ERBB2: variants seen among roughly 807,000 people sequenced by gnomAD.
The protein encoded by ERBB2 is erb-b2 receptor tyrosine kinase 2, also known as receptor tyrosine-protein kinase erbB-2.
A neutral mutation model predicts 149.0 loss-of-function variants in ERBB2; 61 were observed. The ratio of observed to expected loss-of-function variants is 0.41; its 90% CI spans 0.33 to 0.51. ERBB2 has a LOEUF of 0.51. ERBB2 is among the 20% of genes least tolerant of loss of function. The pLI, the probability that ERBB2 is intolerant of heterozygous loss-of-function variation, is 0.25. For synonymous variants in ERBB2, 633 were observed against 678.8 expected, an observed-to-expected ratio of 0.93 and a Z score of 1.05; for missense variants, 1,205 against 1,655.1, an observed-to-expected ratio of 0.73 and a Z score of 4.72.
At chr17:39,699,496 C>T (rs539283063), upstream of ERBB2, 6 of 1,502,550 alleles carry the variant, frequency 4.0e-6, no homozygotes, top group East Asian at 1.5e-4. Flanking sequence ...GTGACTGTCT[C>T]CTCCCAAATT....
chr17:39,705,188 C>T (rs1005720686), intron 1 of ERBB2, among the ~76,000 whole-genome samples: 9 of 151,894 alleles, frequency 5.9e-5, no homozygotes, highest in East Asian at 1.9e-4. Flanking sequence ...GTTACTGTGG[C>T]GGCCCCCACT....
Position 39,709,370 on chromosome 17 carries a change from G to A in ERBB2, c.492G>A (p.Gln164=), listed in dbSNP as rs1483276017. 6.2e-7 allele frequency: 1 copy of A among 1,613,948 alleles called. No homozygotes were observed. Among genetic ancestry groups the A allele is most frequent in the Non-Finnish European group, 8.5e-7 (1 of 1,179,998 alleles). The change falls in exon 4 of 27, where the codon CAG becomes CAA. Residue 164 remains glutamine, a synonymous_variant. Coordinates refer to ENST00000269571, the MANE Select transcript of ERBB2 (RefSeq NM_004448.4). ...LIQRNPQLCY[Q]DTILWKDIFH... ...AGCGGAACCCCCAGCTCTGCTACCA[G>A]GACACGATTTTGTGGAAGGACATCT...
At chr17:39,702,588 T>C (rs565400809) in intron 1 of ERBB2, among the ~76,000 whole-genome samples, 1 of 152,262 alleles carries the variant, frequency 6.6e-6, no homozygotes, top group African/African-American at 2.4e-5. Flanking sequence ...AAAAAACAAT[T>C]GAAAAGATAG....
In ERBB2 at chr17:39,728,104, C is replaced by A. The variant is rs936754943; in HGVS notation, c.*60C>A. 3 of 1,253,228 alleles carry A rather than the reference C, an allele frequency of 2.4e-6. No homozygotes were observed. Among genetic ancestry groups the A allele is most frequent in the African/African-American group, 1.5e-5 (1 of 67,044 alleles). The allele number at this position is 1,253,228 out of a possible 1,614,324, so 77.6% of individuals were successfully genotyped here. The stretch of plus-strand genomic sequence containing the variant: ...TCCTCAGGGAGCAGGGAAGGCCTGA[C>A]TTCTGCTGGCATCAAGAGGTGGGAG... On this transcript the variant is annotated 3_prime_UTR_variant, in exon 27 of 27. Coordinates refer to ENST00000269571, the MANE Select transcript of ERBB2 (RefSeq NM_004448.4).
intron 1 of ERBB2, among the ~76,000 whole-genome samples, chr17:39,704,611 A>T (rs1248830541): frequency 6.6e-6 from 1 of 152,074 alleles, no homozygotes; most frequent in South Asian, 2.1e-4. Flanking sequence ...ATATGGGGAC[A>T]ATGGTAAGGA....
rs2143262230 is a variant in ERBB2, at chr17:39,727,550, A to C, written c.3412+3A>C. 3 of 1,598,556 alleles carry C rather than the reference A, an allele frequency of 1.9e-6. No individual in the cohort carries two copies. The highest frequency in any genetic ancestry group is 2.6e-6 in the Non-Finnish European group (3 of 1,175,974). The stretch of plus-strand genomic sequence containing the variant: ...CCTGACCTGCAGCCCCCAGCCTGGT[A>C]TGGAGTCCAGTCTAAGCAGAGAGAC... On this transcript the variant is annotated splice_donor_region_variant and intron_variant, in intron 26 of 26. Transcript: ENST00000269571. This position sits in a 1 kb window ranked among gnomAD's most constrained non-coding sequence, Gnocchi z 4.3.
intron 1 of ERBB2, among the ~76,000 whole-genome samples, chr17:39,704,843 T>TCCAGC (rs1489016863): frequency 6.6e-6 from 1 of 152,078 alleles, no homozygotes; most frequent in East Asian, 1.9e-4. Context: ...GTTCTGACCC[T>TCCAGC]CCAGCCCAAC....
rs1307885471 is a variant in ERBB2, at chr17:39,707,063, C to A, written c.147C>A (p.Leu49=). The A allele has an allele frequency of 6.2e-7, 1 of 1,608,788 alleles. No homozygotes were observed. The highest frequency in any genetic ancestry group is 1.3e-5 in the African/African-American group (1 of 74,788). The change falls in exon 2 of 27, where the codon CTC becomes CTA. Residue 49 remains leucine, a synonymous_variant. Coordinates refer to ENST00000269571, the MANE Select transcript of ERBB2 (RefSeq NM_004448.4). ...PETHLDMLRH[L]YQGCQVVQGN... ...CCCACCTGGACATGCTCCGCCACCT[C>A]TACCAGGGCTGCCAGGTGGTGCAGG...
upstream of ERBB2, among the ~76,000 whole-genome samples, chr17:39,694,003 C>T (rs1274685381): frequency 1.7e-4 from 25 of 147,470 alleles, no homozygotes; most frequent in African/African-American, 4.5e-4. Flanking sequence ...CTGGCCAACA[C>T]GGAGAAACGC....
chr17:39,702,337 G>T (rs1046434447), intron 1 of ERBB2, among the ~76,000 whole-genome samples: 5 of 152,166 alleles, frequency 3.3e-5, no homozygotes, highest in Non-Finnish European at 7.3e-5. Flanking sequence ...CCAGCACCCA[G>T]ATTTTACCCA....
At chr17:39,719,963 C>T in intron 16 of ERBB2, 129 bp downstream of exon 16, 6 of 845,944 alleles carry the variant, frequency 7.1e-6, no homozygotes, top group Non-Finnish European at 1.2e-5. Context: ...ACTGTGGAAC[C>T]TCCTGTCATT....
rs1033977807 is a variant in ERBB2 at position 39,706,980 on chromosome 17, C to T, written c.74-10C>T. The T allele has an allele frequency of 4.5e-6, 7 of 1,568,720 alleles. No homozygotes were observed. Among genetic ancestry groups the T allele is most frequent in the African/African-American group, 4.1e-5 (3 of 73,616 alleles). On this transcript the variant is annotated splice_polypyrimidine_tract_variant and intron_variant, in intron 1 of 26. Coordinates refer to ENST00000269571, the MANE Select transcript of ERBB2 (RefSeq NM_004448.4). ...CAGTGTCCTCTGACCCATCTGCTCTCTCCTGCCAGTGTGCACCGGCACAGA... is the reference window on the plus strand; with the variant it reads ...CAGTGTCCTCTGACCCATCTGCTCTTTCCTGCCAGTGTGCACCGGCACAGA...
rs1317541157 is a variant in ERBB2, at chr17:39,716,368, G to T, written c.1581G>T (p.Gln527His). Residue 527 changes from glutamine to histidine, a missense_variant, in exon 13 of 27, where the codon CAG (glutamine) becomes CAT (histidine). By Grantham distance (24) the Gln-to-His change is conservative. Coordinates refer to ENST00000269571, the MANE Select transcript of ERBB2 (RefSeq NM_004448.4). ...ACTGCTGGGGTCCAGGGCCCACCCA[G>T]TGTGTCAACTGCAGCCAGTTCCTTC... Reference protein sequence around the residue: ...RGHCWGPGPTQCVNCSQFLRG... With the variant: ...RGHCWGPGPTHCVNCSQFLRG... The T allele has an allele frequency of 6.2e-7, 1 of 1,609,452 alleles. No individual in the cohort carries two copies. The highest frequency in any genetic ancestry group is 1.3e-5 in the African/African-American group (1 of 74,816).
At position 39,705,629 on chromosome 17, in the gene ERBB2, G is replaced by A. The variant is rs1022287987; in HGVS notation, c.74-1361G>A. ...ATAGAGGCCATTCTGAGTATCACTAGGAGACCACCAGTTTGTGGCCACTGG... is the reference window on the plus strand; with the variant it reads ...ATAGAGGCCATTCTGAGTATCACTAAGAGACCACCAGTTTGTGGCCACTGG... On this transcript the variant is annotated intron_variant, in intron 1 of 26. Transcript: ENST00000269571. 6.6e-4 allele frequency among the ~76,000 whole-genome samples: 100 copies of A among 152,296 alleles called. 1 individual carries two copies. Among genetic ancestry groups the A allele is most frequent in the African/African-American group, 2.3e-3 (94 of 41,554 alleles).
In ERBB2 at chr17:39,718,034, A is replaced by T. The variant is rs1597877333; in HGVS notation, c.1898+554A>T. On this transcript the variant is annotated intron_variant, in intron 15 of 26. Transcript: ENST00000269571. ...ACCATGTTGGCCAGGCTGGTCTCGA[A>T]CCCCTGACCTCAGGTGATCTGCCAG... is the stretch of plus-strand genomic sequence containing the variant. 3.3e-5 allele frequency among the ~76,000 whole-genome samples: 5 copies of T among 152,132 alleles called. No individual in the cohort carries two copies. The South Asian group carries it at 1.0e-3, about 31-fold the overall frequency.
At chr17:39,719,871 T>G in intron 16 of ERBB2, 37 bp downstream of exon 16, 1 of 1,605,462 alleles carries the variant, frequency 6.2e-7, no homozygotes, top group Non-Finnish European at 8.5e-7. Context: ...TTCATTGCCC[T>G]TCACTCCCCC....
chr17:39,697,895 T>C (rs1290127503), upstream of ERBB2, among the ~76,000 whole-genome samples: 1 of 152,002 alleles, frequency 6.6e-6, no homozygotes, highest in African/African-American at 2.4e-5. Flanking sequence ...GGTTTTGTCA[T>C]GTTGGCCAGG....
upstream of ERBB2, among the ~76,000 whole-genome samples, chr17:39,697,348 TG>T (rs200064703): frequency 1.7e-3 from 251 of 146,984 alleles, 5 homozygotes; most frequent in South Asian, 0.015. Flanking sequence ...GTTGTTTTTT[TG>T]TTTTGTTTTT....
At chr17:39,716,173 C>A in intron 12 of ERBB2, 128 bp from the exon 13 acceptor site, 1 of 1,089,630 alleles carries the variant, frequency 9.2e-7, no homozygotes, top group Non-Finnish European at 1.3e-6. Flanking sequence ...AACTCTTCCT[C>A]TCCCTACATC....
Sources: allele counts gnomAD v4.1 joint callset (sites outside exome capture counted in the v4.1 genomes callset), GRCh38; gene constraint gnomAD v4.1.1; non-coding constraint Gnocchi (gnomAD v3.1); transcripts MANE v1.5; gene names NCBI Gene and HGNC (gene_info 2026-07-23, HGNC 2026-07-21).